COL24A1: variants seen among roughly 807,000 people sequenced by gnomAD.
COL24A1 encodes collagen type XXIV alpha 1 chain.
A neutral mutation model predicts 253.9 loss-of-function variants in COL24A1; 224 were observed. The observed-to-expected ratio is 0.88, with a 90% CI of 0.79 to 0.99. COL24A1 has a LOEUF of 0.99. COL24A1 is among the 50% of genes least tolerant of loss of function. COL24A1 has a pLI of 0.00. For synonymous variants in COL24A1, 685 were observed against 673.7 expected (o/e 1.02, Z -0.26); for missense variants, 2,131 against 2,068.5 (o/e 1.03, Z -0.59).
Position 85,730,668 on chromosome 1 carries a change from C to T in COL24A1, c.5023G>A (p.Ala1675Thr). The T allele has an allele frequency of 4.3e-6, 7 of 1,613,894 alleles. No individual in the cohort carries two copies. Among genetic ancestry groups the T allele is most frequent in the Non-Finnish European group, 5.9e-6 (7 of 1,179,874 alleles). Reference sequence around the variant, plus strand: ...TCCTGGGTGTGAAAAAGAAATGTTGCCTTATGCCAGCTGCCATCTTGAATC... The same window carrying T: ...TCCTGGGTGTGAAAAAGAAATGTTGTCTTATGCCAGCTGCCATCTTGAATC... ...CKIQDGSWHK[A>T]TFLFHTQEPN... The change falls in exon 60 of 60, where the codon GCA becomes ACA. Residue 1675 changes from alanine (A) to threonine (T), a missense_variant. Coordinates refer to ENST00000370571, the MANE Select transcript of COL24A1 (RefSeq NM_152890.7).
chr1:85,768,792 A>G (rs1359288595), intron 53 of COL24A1, among the ~76,000 whole-genome samples: 1 of 152,078 alleles, frequency 6.6e-6, no homozygotes, highest in African/African-American at 2.4e-5. Context: ...ATTATATTAG[A>G]CAGCTCATTA....
At chr1:85,943,287 T>C (rs1174208513) in intron 24 of COL24A1, among the ~76,000 whole-genome samples, 1 of 152,220 alleles carries the variant, frequency 6.6e-6, no homozygotes, top group Non-Finnish European at 1.5e-5. Flanking sequence ...AGAGCCAAGC[T>C]ACTGGCATCC....
intron 26 of COL24A1, 115 bp from the exon 27 acceptor site, chr1:85,908,766 G>T (rs890090631): frequency 4.5e-6 from 2 of 445,514 alleles, no homozygotes; most frequent in Non-Finnish European, 7.9e-6. Context: ...TTGACACAAT[G>T]TTTCTTTTGT....
intron 55 of COL24A1, among the ~76,000 whole-genome samples, chr1:85,758,126 A>G (rs1666455197): frequency 6.6e-6 from 1 of 152,168 alleles, no homozygotes; most frequent in Admixed American, 6.6e-5. Flanking sequence ...TAGGCACCTC[A>G]GTATTTTGAA....
At chr1:86,092,391 T>A in intron 5 of COL24A1, 71 bp from the exon 6 acceptor site, 3 of 1,089,414 alleles carry the variant, frequency 2.8e-6, no homozygotes, top group Non-Finnish European at 4.2e-6. Context: ...TCTTCAGGTA[T>A]TTATTACCAG....
chr1:86,004,531 A>G (rs796625253), intron 19 of COL24A1, among the ~76,000 whole-genome samples: 4 of 152,204 alleles, frequency 2.6e-5, no homozygotes, highest in South Asian at 4.1e-4. Context: ...ATGTGAAAAA[A>G]TGGTGTACTA....
intron 19 of COL24A1, among the ~76,000 whole-genome samples, chr1:86,004,286 G>T (rs77225202): frequency 0.06 from 9,172 of 152,138 alleles, 625 homozygotes; most frequent in African/African-American, 0.17. Flanking sequence ...TGTCTCTAAA[G>T]TTCTACTAGC....
chr1:86,113,837 C>CAAAAAAAAAAA (rs36014881), intron 4 of COL24A1, among the ~76,000 whole-genome samples: 29 of 72,400 alleles, frequency 4.0e-4, no homozygotes, highest in South Asian at 6.3e-4. Context: ...TCCTGTCTCA[C>CAAAAAAAAAAA]AAAAAAAAAA....
At chr1:85,830,848 G>T (rs1057039220) in intron 43 of COL24A1, among the ~76,000 whole-genome samples, 5 of 152,128 alleles carry the variant, frequency 3.3e-5, no homozygotes, top group Admixed American at 1.3e-4. Context: ...GATGAACCCA[G>T]TACCTCAGAT....
intron 43 of COL24A1, 134 bp from the exon 44 acceptor site, chr1:85,823,872 T>G: frequency 1.3e-6 from 1 of 773,088 alleles, no homozygotes; most frequent in Non-Finnish European, 2.1e-6. Context: ...TGATTCTTCT[T>G]GGAAATAGAA....
At position 85,784,091 on chromosome 1, in the gene COL24A1, A is replaced by G. The variant is rs1427851877; in HGVS notation, c.4221+22T>C. ...TTTATTTCTAGATAGCTAGAAGACT[A>G]GAAGAAAGTATGTAAACATACTTTA... On this transcript the variant is annotated intron_variant, in intron 50 of 59. Transcript: ENST00000370571. 9 of 1,584,378 alleles carry G rather than the reference A, an allele frequency of 5.7e-6. No individual in the cohort carries two copies. In the East Asian group the frequency reaches 2.0e-4, roughly 35 times the overall value.
At chr1:85,900,340 C>T (rs1248502842) in intron 28 of COL24A1, among the ~76,000 whole-genome samples, 1 of 152,086 alleles carries the variant, frequency 6.6e-6, no homozygotes, top group African/African-American at 2.4e-5. Context: ...CACTACATGA[C>T]TTTAAAGTAC....
rs757828626 is a variant in COL24A1, at chr1:86,112,578, G to A, written c.1588C>T (p.Pro530Ser). 2 of 1,613,076 alleles carry A rather than the reference G, an allele frequency of 1.2e-6. No individual in the cohort carries two copies. Among genetic ancestry groups the A allele is most frequent in the Admixed American group, 1.7e-5 (1 of 59,968 alleles). ...TAGTAGTCACTTACCTTTGGACCAG[G>A]TAATCCAGGTAAACCAGGATTTCCA... is the stretch of plus-strand genomic sequence containing the variant. ...PHGNPGLPGLPGPKGPKGDPG... is the reference protein window; with the variant it reads ...PHGNPGLPGLSGPKGPKGDPG... The change falls in exon 5 of 60, where the codon CCT (proline) becomes TCT (serine). Residue 530 changes from proline (P) to serine (S), a missense_variant. Pro to Ser is a moderately conservative substitution (Grantham distance 74). Coordinates refer to ENST00000370571, the MANE Select transcript of COL24A1 (RefSeq NM_152890.7).
chr1:85,737,325 G>C (rs1664157099), intron 58 of COL24A1, 71 bp downstream of exon 58: 1 of 828,590 alleles, frequency 1.2e-6, no homozygotes, highest in Non-Finnish European at 1.8e-6. Flanking sequence ...TAAAATGATA[G>C]AATTTTAAAC....
chr1:85,982,571 A>G (rs1055309403), intron 20 of COL24A1, among the ~76,000 whole-genome samples: 8 of 150,810 alleles, frequency 5.3e-5, no homozygotes, highest in Middle Eastern at 3.4e-3. Context: ...CCTCGGCTCC[A>G]CTTGGCCTGA....
chr1:85,772,951 A>C (rs902080322), intron 53 of COL24A1, among the ~76,000 whole-genome samples: 4 of 152,276 alleles, frequency 2.6e-5, no homozygotes, highest in South Asian at 2.1e-4. Flanking sequence ...GCCCATGCCT[A>C]TGTCCTGAAT....
chr1:85,930,044 AC>A (rs1228746232), intron 24 of COL24A1, among the ~76,000 whole-genome samples: 4 of 63,008 alleles, frequency 6.3e-5, no homozygotes, highest in Non-Finnish European at 9.0e-5. Flanking sequence ...AAGAGCAAAC[AC>A]ATTCAAAAGC....
At position 85,744,730 on chromosome 1, in the gene COL24A1, G is replaced by A; in HGVS notation, c.4608C>T (p.Gly1536=). 1 of 1,608,998 alleles carries A rather than the reference G, an allele frequency of 6.2e-7. No homozygotes were observed. Among genetic ancestry groups the A allele is most frequent in the Non-Finnish European group, 8.5e-7 (1 of 1,178,488 alleles). ...AGATTCGTGCTGGGTTATCTCGTGT[G>A]CCAAGAGGATTCTTGATGCTGTGCA... ...NLLHSIKNPL[G]TRDNPARICK... Residue 1536 remains glycine, a synonymous_variant, in exon 57 of 60, where the codon GGC becomes GGT. Coordinates refer to ENST00000370571, the MANE Select transcript of COL24A1 (RefSeq NM_152890.7).
intron 47 of COL24A1, among the ~76,000 whole-genome samples, chr1:85,806,914 C>A (rs1672034934): frequency 6.6e-6 from 1 of 152,216 alleles, no homozygotes; most frequent in Non-Finnish European, 1.5e-5. Flanking sequence ...GAACCCAACC[C>A]ACTGTAAGGC....
Sources: allele counts gnomAD v4.1 joint callset (sites outside exome capture counted in the v4.1 genomes callset), GRCh38; gene constraint gnomAD v4.1.1; transcripts MANE v1.5; gene names NCBI Gene and HGNC (gene_info 2026-07-23, HGNC 2026-07-21).